Variants in DAPK1 observed in about 807,000 individuals in gnomAD.
DAPK1 encodes death associated protein kinase 1.
In DAPK1, 56 loss-of-function variants were observed where a neutral mutation model predicts 144.9. That is an observed-to-expected ratio of 0.39 (90% CI 0.31 to 0.48). The LOEUF is 0.48. DAPK1 is among the 20% of genes least tolerant of loss of function. The pLI, the probability that DAPK1 is intolerant of heterozygous loss-of-function variation, is 0.95. For missense variants in DAPK1, 1,454 were observed against 1,875.4 expected, an observed-to-expected ratio of 0.78 and a Z score of 4.15; for synonymous variants, 690 against 749.0, an observed-to-expected ratio of 0.92 and a Z score of 1.29.
chr9:87,638,838 C>A (rs577321237), intron 4 of DAPK1, among the ~76,000 whole-genome samples: 6 of 152,358 alleles, frequency 3.9e-5, no homozygotes, highest in African/African-American at 1.4e-4. Flanking sequence ...AAAGCACACA[C>A]TCATATACAT....
At chr9:87,613,201 A>T (rs1484301062) in intron 3 of DAPK1, among the ~76,000 whole-genome samples, 1 of 152,126 alleles carries the variant, frequency 6.6e-6, no homozygotes, top group African/African-American at 2.4e-5. Context: ...AATTTTGCTG[A>T]TTTTTTTAAT....
At chr9:87,585,543 C>G (rs1276931814) in intron 2 of DAPK1, among the ~76,000 whole-genome samples, 2 of 152,228 alleles carry the variant, frequency 1.3e-5, no homozygotes, top group Non-Finnish European at 2.9e-5. Context: ...CAGTCTGGGT[C>G]TCTAAGCTAA....
At chr9:87,598,187 T>G (rs940571023) in intron 2 of DAPK1, among the ~76,000 whole-genome samples, 14 of 152,122 alleles carry the variant, frequency 9.2e-5, no homozygotes, top group Non-Finnish European at 2.9e-5. Flanking sequence ...GCAGCAAAAG[T>G]CTTCTGCAAA....
intron 2 of DAPK1, among the ~76,000 whole-genome samples, chr9:87,584,258 A>T (rs1370131761): frequency 6.6e-6 from 1 of 152,206 alleles, no homozygotes; most frequent in Admixed American, 6.5e-5. Context: ...TATAGTCACC[A>T]TGTTGTAAAA....
intron 2 of DAPK1, among the ~76,000 whole-genome samples, chr9:87,550,259 T>C (rs1445814045): frequency 6.6e-6 from 1 of 152,242 alleles, no homozygotes; most frequent in African/African-American, 2.4e-5. Context: ...GTTCAAGAAC[T>C]TCATGTGGAT....
chr9:87,524,809 T>C (rs1214690666), intron 2 of DAPK1, among the ~76,000 whole-genome samples: 1 of 152,176 alleles, frequency 6.6e-6, no homozygotes, highest in African/African-American at 2.4e-5. Flanking sequence ...AAATATTGTA[T>C]GTTCTCACTC....
At chr9:87,646,439 A>C (rs1469151306) in intron 12 of DAPK1, 22 bp from the exon 13 acceptor site, 1 of 1,576,194 alleles carries the variant, frequency 6.3e-7, no homozygotes, top group East Asian at 2.2e-5. Flanking sequence ...AAAATTAGTA[A>C]TTTTTTTCTT....
intron 2 of DAPK1, among the ~76,000 whole-genome samples, chr9:87,551,223 C>G (rs1283456028): frequency 1.3e-5 from 2 of 152,066 alleles, no homozygotes; most frequent in Admixed American, 6.5e-5. Flanking sequence ...TCTCGGCTCA[C>G]TGCAACCTCT....
chr9:87,640,249 C>G (rs1158329748), intron 7 of DAPK1, 49 bp from the exon 8 acceptor site: 1 of 1,570,324 alleles, frequency 6.4e-7, no homozygotes, highest in Non-Finnish European at 8.7e-7. Flanking sequence ...AAAATGACAA[C>G]ACCAAGGGGT....
chr9:87,673,227 C>T (rs770721556), intron 19 of DAPK1, among the ~76,000 whole-genome samples: 3 of 152,148 alleles, frequency 2.0e-5, no homozygotes, highest in Non-Finnish European at 4.4e-5. Context: ...CCACACTCTG[C>T]AAGAACCACT....
Position 87,643,356 on chromosome 9 carries a change from T to TC in DAPK1, c.919-20_919-19insC. On this transcript the variant is annotated intron_variant, in intron 10 of 25. Coordinates refer to ENST00000408954, the MANE Select transcript of DAPK1 (RefSeq NM_004938.4). ...TTCCTCCCCGCCCTCCCTTTTTTTTTTTTTTTTTTTAAAAAAAAGCAATCC... is the reference window on the plus strand; with the variant it reads ...TTCCTCCCCGCCCTCCCTTTTTTTTTCTTTTTTTTTTAAAAAAAAGCAATCC... The TC allele has an allele frequency of 6.8e-7, 1 of 1,478,470 alleles. No individual in the cohort carries two copies. The highest frequency in any genetic ancestry group is 9.1e-7 in the Non-Finnish European group (1 of 1,103,970). The allele number at this position is 1,478,470 out of a possible 1,614,324, so 91.6% of individuals were successfully genotyped here.
chr9:87,681,205 A>G (rs1246415889), intron 19 of DAPK1, among the ~76,000 whole-genome samples, 199 bp from the exon 20 acceptor site: 1 of 151,526 alleles, frequency 6.6e-6, no homozygotes. Context: ...TTGAACCCAG[A>G]AGGCAGAGGT....
chr9:87,577,783 C>T lies in DAPK1; in HGVS notation c.63-27171C>T, dbSNP rs567103390. On this transcript the variant is annotated intron_variant, in intron 2 of 25. Transcript: ENST00000408954. ...ACTGCACCCCAGTGTGGTGACAGAG[C>T]GAGACTCTGTCTCAGGAAAAATAAA... Among the ~76,000 whole-genome samples the T allele has an allele frequency of 4.6e-5, 7 of 152,158 alleles. No homozygotes were observed. The East Asian group carries it at 9.7e-4, about 21-fold the overall frequency.
At chr9:87,550,333 A>G (rs1420082416) in intron 2 of DAPK1, among the ~76,000 whole-genome samples, 1 of 152,250 alleles carries the variant, frequency 6.6e-6, no homozygotes, top group Non-Finnish European at 1.5e-5. Context: ...TTAGTGTGCT[A>G]GGGCTGTTAT....
At chr9:87,571,436 A>C (rs1218497840) in intron 2 of DAPK1, among the ~76,000 whole-genome samples, 130 of 12,888 alleles carry the variant, frequency 0.01, no homozygotes, top group African/African-American at 0.015. Context: ...CCCACCCCCC[A>C]ACACACACAC....
chr9:87,588,897 C>T (rs1384375575), intron 2 of DAPK1, among the ~76,000 whole-genome samples: 1 of 150,972 alleles, frequency 6.6e-6, no homozygotes, highest in East Asian at 2.0e-4. Flanking sequence ...TTCTGGGGGG[C>T]GGGGGGAGCA....
intron 2 of DAPK1, among the ~76,000 whole-genome samples, chr9:87,541,977 A>G (rs1826073634): frequency 6.6e-6 from 1 of 152,230 alleles, no homozygotes; most frequent in Non-Finnish European, 1.5e-5. Context: ...TACAGTTTTC[A>G]AGAAATAGAA....
chr9:87,508,689 C>A (rs1373810995), intron 2 of DAPK1, among the ~76,000 whole-genome samples: 1 of 152,178 alleles, frequency 6.6e-6, no homozygotes. Flanking sequence ...TGACACCTGA[C>A]CCACAGTATA....
At chr9:87,573,057 G>A (rs143101984) in intron 2 of DAPK1, among the ~76,000 whole-genome samples, 1,824 of 152,260 alleles carry the variant, frequency 0.012, 18 homozygotes, top group Middle Eastern at 0.02. Context: ...GGTTCTAAGC[G>A]TATCTGTGAT....
Sources: allele counts gnomAD v4.1 joint callset (sites outside exome capture counted in the v4.1 genomes callset), GRCh38; gene constraint gnomAD v4.1.1; transcripts MANE v1.5; gene names NCBI Gene and HGNC (gene_info 2026-07-23, HGNC 2026-07-21).